The following NR3C2 variants were observed in gnomAD, a reference collection of about 807,000 sequenced individuals.
The protein encoded by NR3C2 is mineralocorticoid receptor.
Under a neutral mutation model 86.4 loss-of-function variants are expected in NR3C2, and 15 were observed. That is an observed-to-expected ratio of 0.17 (90% CI 0.12 to 0.27). The LOEUF (loss-of-function observed/expected upper bound fraction) is 0.27. Among genes scored for constraint, NR3C2 ranks in the 10% least tolerant of loss-of-function variants. The pLI is 1.00. For missense variants in NR3C2, 960 were observed against 1,195.6 expected, an observed-to-expected ratio of 0.80 and a Z score of 2.91; for synonymous variants, 458 against 450.5, an observed-to-expected ratio of 1.02 and a Z score of -0.21.
intron 2 of NR3C2, among the ~76,000 whole-genome samples, chr4:148,293,305 G>C (rs951675824): frequency 6.6e-6 from 1 of 152,134 alleles, no homozygotes; most frequent in Non-Finnish European, 1.5e-5. Context: ...CATGTGCAGG[G>C]AAATTATTTT....
intron 3 of NR3C2, among the ~76,000 whole-genome samples, chr4:148,212,583 G>C (rs1737335157): frequency 6.6e-6 from 1 of 152,206 alleles, no homozygotes; most frequent in Admixed American, 6.5e-5. Flanking sequence ...CCTTGTCCCA[G>C]AGGGGTCATT....
intron 3 of NR3C2, among the ~76,000 whole-genome samples, chr4:148,258,678 C>T (rs1739944746): frequency 6.6e-6 from 1 of 152,204 alleles, no homozygotes; most frequent in South Asian, 2.1e-4. Flanking sequence ...GCTGTCTCAG[C>T]ACCATGAGAG....
chr4:148,134,640 TCTC>T (rs1320041198), intron 6 of NR3C2, among the ~76,000 whole-genome samples: 70 of 114,390 alleles, frequency 6.1e-4, no homozygotes, highest in Non-Finnish European at 9.7e-4. Flanking sequence ...TCTCTCTCTC[TCTC>T]TTTTTTTTTT....
intron 3 of NR3C2, among the ~76,000 whole-genome samples, chr4:148,256,789 A>G (rs1463477295): frequency 6.6e-6 from 1 of 152,200 alleles, no homozygotes; most frequent in Non-Finnish European, 1.5e-5. Context: ...ATGGCTACTA[A>G]CTGACATTAT....
At chr4:148,188,665 A>G (rs961895228) in intron 4 of NR3C2, among the ~76,000 whole-genome samples, 5 of 152,126 alleles carry the variant, frequency 3.3e-5, no homozygotes, top group Non-Finnish European at 5.9e-5. Context: ...GTCAACGATC[A>G]TATCATCAGC....
At chr4:148,188,568 C>T (rs1452075492) in intron 4 of NR3C2, among the ~76,000 whole-genome samples, 1 of 152,042 alleles carries the variant, frequency 6.6e-6, no homozygotes, top group Non-Finnish European at 1.5e-5. Flanking sequence ...TTATTGATTT[C>T]TGTACATTAT....
intron 6 of NR3C2, among the ~76,000 whole-genome samples, chr4:148,134,483 A>C (rs551914313): frequency 6.6e-6 from 1 of 152,160 alleles, no homozygotes; most frequent in Non-Finnish European, 1.5e-5. Context: ...TCTACTTCGA[A>C]ATTCTGTGAA....
intron 2 of NR3C2, among the ~76,000 whole-genome samples, chr4:148,377,135 T>G (rs981307714): frequency 1.3e-5 from 2 of 152,180 alleles, no homozygotes; most frequent in African/African-American, 2.4e-5. Context: ...AAAAGAAAGG[T>G]AAATACATAT....
At position 148,152,387 on chromosome 4, in the gene NR3C2, C is replaced by T. The variant is rs775106928; in HGVS notation, c.2510+82G>A. On this transcript the variant is annotated intron_variant, in intron 6 of 8. Transcript: ENST00000358102. ...TTCAGTAGATTCTTTCACCAACGTA[C>T]ATCTGTTTAGAAATTACTGAAAGAA... 7.2e-4 allele frequency: 1,058 copies of T among 1,469,892 alleles called. 3 individuals carry two copies. The highest frequency in any genetic ancestry group is 1.5e-4 in the African/African-American group (11 of 71,792). The allele number at this position is 1,469,892 out of a possible 1,614,324, so 91.1% of individuals were successfully genotyped here. A position where few individuals can be genotyped will look rare whatever the true frequency, so the allele number is the denominator to read the frequency against.
intron 4 of NR3C2, among the ~76,000 whole-genome samples, chr4:148,177,648 A>G (rs1242568911): frequency 1.3e-5 from 2 of 152,236 alleles, no homozygotes; most frequent in Non-Finnish European, 2.9e-5. Context: ...AACTTTGAGA[A>G]AAGTCTGAGG....
chr4:148,373,470 C>CTTTTTTT (rs774726733), intron 2 of NR3C2, among the ~76,000 whole-genome samples: 4 of 129,796 alleles, frequency 3.1e-5, no homozygotes, highest in African/African-American at 9.7e-5. Flanking sequence ...TAAAGGATGA[C>CTTTTTTT]TTTTTTTTTC....
intron 8 of NR3C2, among the ~76,000 whole-genome samples, chr4:148,101,810 G>C (rs182876082): frequency 5.3e-5 from 8 of 152,018 alleles, no homozygotes; most frequent in African/African-American, 1.9e-4. Context: ...CCATTTAACA[G>C]AAAGAGCCAT....
chr4:148,249,401 T>C (rs779029023), intron 3 of NR3C2, among the ~76,000 whole-genome samples: 2 of 152,212 alleles, frequency 1.3e-5, no homozygotes, highest in African/African-American at 2.4e-5. Flanking sequence ...AAGTATGAAT[T>C]TATATCAGAC....
At chr4:148,241,125 G>C (rs1394692881) in intron 3 of NR3C2, among the ~76,000 whole-genome samples, 1 of 151,676 alleles carries the variant, frequency 6.6e-6, no homozygotes, top group Non-Finnish European at 1.5e-5. Context: ...GGCCAACATG[G>C]TGAAACCCCG....
At chr4:148,163,094 G>C (rs891165826) in intron 4 of NR3C2, among the ~76,000 whole-genome samples, 5 of 152,206 alleles carry the variant, frequency 3.3e-5, no homozygotes, top group Admixed American at 1.3e-4. Flanking sequence ...AAGATACGAA[G>C]GGTTTAAAGG....
intron 8 of NR3C2, among the ~76,000 whole-genome samples, chr4:148,102,274 A>G (rs1305636511): frequency 6.6e-6 from 1 of 152,106 alleles, no homozygotes; most frequent in Non-Finnish European, 1.5e-5. Flanking sequence ...GGGCAGTTCC[A>G]TCCACTCCCA....
At chr4:148,329,141 T>C (rs886450660) in intron 2 of NR3C2, among the ~76,000 whole-genome samples, 6 of 152,134 alleles carry the variant, frequency 3.9e-5, no homozygotes, top group Non-Finnish European at 7.4e-5. Flanking sequence ...CCAGGGCACA[T>C]AGGGGCCCTG....
intron 2 of NR3C2, among the ~76,000 whole-genome samples, chr4:148,358,444 G>A (rs1745665180): frequency 7.1e-6 from 1 of 140,392 alleles, no homozygotes; most frequent in Non-Finnish European, 1.5e-5. Context: ...ACACAGGAAG[G>A]GGAATATCAC....
intron 7 of NR3C2, among the ~76,000 whole-genome samples, chr4:148,114,617 A>G (rs1732191529): frequency 6.6e-6 from 1 of 152,238 alleles, no homozygotes. Flanking sequence ...AAGGGGTGGT[A>G]TTCAACTTAG....
Sources: allele counts gnomAD v4.1 joint callset (sites outside exome capture counted in the v4.1 genomes callset), GRCh38; gene constraint gnomAD v4.1.1; transcripts MANE v1.5; gene names NCBI Gene and HGNC (gene_info 2026-07-23, HGNC 2026-07-21).